The following BRWD1 variants were observed in gnomAD, a reference collection of about 807,000 sequenced individuals.
BRWD1 encodes the protein bromodomain and WD repeat-containing protein 1.
In BRWD1, 82 loss-of-function variants were observed where a neutral mutation model predicts 251.2. The observed-to-expected ratio is 0.33, with a 90% CI of 0.27 to 0.39. The LOEUF (loss-of-function observed/expected upper bound fraction) is 0.39, where lower values mean the gene tolerates loss of function less well. BRWD1 is among the 10% of genes least tolerant of loss of function. The pLI, the probability that BRWD1 is intolerant of heterozygous loss-of-function variation, is 1.00. For missense variants in BRWD1, 2,233 were observed against 2,711.6 expected, an observed-to-expected ratio of 0.82 and a Z score of 3.92; for synonymous variants, 918 against 902.8, an observed-to-expected ratio of 1.02 and a Z score of -0.30.
In BRWD1 at chr21:39,204,153, C is replaced by CA. The variant is rs11356696; in HGVS notation, c.4365-1609dup. 3.1e-3 allele frequency among the ~76,000 whole-genome samples: 107 copies of CA among 34,344 alleles called. 1 individual carries two copies. Among genetic ancestry groups the CA allele is most frequent in the African/African-American group, 7.3e-3 (60 of 8,222 alleles). 22.5% of individuals were successfully genotyped at this position (34,344 alleles called of 152,430 possible). A position where few individuals can be genotyped will look rare whatever the true frequency, so the allele number is the denominator to read the frequency against. ...GGACAACAAGAGCAAAACTCCATCT[C>CA]AAAAAAAAAAAAAAAAAAGTGATCT... is the stretch of plus-strand genomic sequence containing the variant. On this transcript the variant is annotated intron_variant, in intron 37 of 40. Coordinates refer to ENST00000342449, the MANE Select transcript of BRWD1 (RefSeq NM_033656.4).
chr21:39,302,259 C>A (rs1200797222), intron 4 of BRWD1, among the ~76,000 whole-genome samples: 2 of 151,992 alleles, frequency 1.3e-5, no homozygotes, highest in Non-Finnish European at 1.5e-5. Context: ...GCTGGGATTA[C>A]AGGCGTGAGC....
At chr21:39,236,809 T>C (rs1330461371) in intron 22 of BRWD1, 25 bp from the exon 23 acceptor site, 1 of 1,597,252 alleles carries the variant, frequency 6.3e-7, no homozygotes, top group African/African-American at 1.3e-5. Flanking sequence ...TGCTTTCAGT[T>C]GAATGGAGCC....
intron 34 of BRWD1, 71 bp from the exon 35 acceptor site, chr21:39,211,000 TC>T: frequency 7.1e-7 from 1 of 1,398,902 alleles, no homozygotes; most frequent in Non-Finnish European, 9.7e-7. Flanking sequence ...ATGTAACTGA[TC>T]TACTGTCTTC....
chr21:39,318,815 T>TGA (rs1304786339), upstream of BRWD1, among the ~76,000 whole-genome samples: 2 of 152,200 alleles, frequency 1.3e-5, no homozygotes, highest in East Asian at 3.8e-4. Context: ...GATGCGGGTC[T>TGA]TGCTCTGTTG....
intron 36 of BRWD1, chr21:39,209,727 T>C (rs1038241068): frequency 7.6e-6 from 2 of 261,848 alleles, no homozygotes; most frequent in Non-Finnish European, 1.4e-5. Context: ...GTTCACTTTC[T>C]ATTGATGCCT....
intron 4 of BRWD1, among the ~76,000 whole-genome samples, chr21:39,310,504 G>GTA (rs1601516094): frequency 6.6e-6 from 1 of 152,282 alleles, no homozygotes; most frequent in East Asian, 1.9e-4. Context: ...CCAGGTGCCT[G>GTA]TAATCCCAGC....
intron 2 of BRWD1, 21 bp downstream of exon 2, chr21:39,313,210 AGTCCGCAGCC>A (rs1414562006): frequency 1.3e-6 from 2 of 1,521,942 alleles, no homozygotes; most frequent in African/African-American, 2.9e-5. Flanking sequence ...GGGGACGCCA[AGTCCGCAGCC>A]GCCCGCGGGC....
In BRWD1 at chr21:39,210,007, G is replaced by A; in HGVS notation, c.4185C>T (p.Asn1395=). Reference sequence around the variant, plus strand: ...CATAAAAAATTACCTTTGATCTTTTGTTTGGTGTATACGCTTTTGCATTGC... The same window carrying A: ...CATAAAAAATTACCTTTGATCTTTTATTTGGTGTATACGCTTTTGCATTGC... The part of the protein sequence containing the change: ...IFSNAKAYTP[N]KRSKIYSMTL... Residue 1395 remains asparagine, a synonymous_variant, in exon 36 of 41, where the codon AAC becomes AAT. Transcript: ENST00000342449. 1 of 1,611,626 alleles carries A rather than the reference G, an allele frequency of 6.2e-7. No individual in the cohort carries two copies. Among genetic ancestry groups the A allele is most frequent in the Non-Finnish European group, 8.5e-7 (1 of 1,178,908 alleles).
At chr21:39,200,141 A>G in intron 39 of BRWD1, 78 bp downstream of exon 39, 1 of 1,337,076 alleles carries the variant, frequency 7.5e-7, no homozygotes, top group Non-Finnish European at 1.0e-6. Flanking sequence ...TAGATGCATT[A>G]AATCGAGAAT....
Position 39,186,973 on chromosome 21 carries a change from G to A in BRWD1, c.*9286C>T. On this transcript the variant is annotated 3_prime_UTR_variant, in exon 41 of 41. Coordinates refer to ENST00000342449, the MANE Select transcript of BRWD1 (RefSeq NM_033656.4). ...AGCTGGGAGCAGAATGTAACTGCCA[G>A]TTTACTTGTGTACCAATTGTTTTCA... The A allele has an allele frequency of 6.6e-7, 1 of 1,508,166 alleles. No homozygotes were observed. The highest frequency in any genetic ancestry group is 8.8e-7 in the Non-Finnish European group (1 of 1,134,106). The allele number at this position is 1,508,166 out of a possible 1,614,324, so 93.4% of individuals were successfully genotyped here.
chr21:39,188,622 T>A lies in BRWD1; in HGVS notation c.*7637A>T. The stretch of plus-strand genomic sequence containing the variant: ...TAAAAACTGCTTCTGTGGACTGACA[T>A]GTTCATACAGCTAGACTAATGAGGC... On this transcript the variant is annotated 3_prime_UTR_variant, in exon 41 of 41. Coordinates refer to ENST00000342449, the MANE Select transcript of BRWD1 (RefSeq NM_033656.4). 1 of 985,416 alleles carries A rather than the reference T, an allele frequency of 1.0e-6. No homozygotes were observed. Among genetic ancestry groups the A allele is most frequent in the Non-Finnish European group, 1.2e-6 (1 of 829,916 alleles). The allele number at this position is 985,416 out of a possible 1,614,324, so 61.0% of individuals were successfully genotyped here.
chr21:39,232,059 A>T, intron 25 of BRWD1, 118 bp downstream of exon 25: 1 of 938,344 alleles, frequency 1.1e-6, no homozygotes, highest in Middle Eastern at 3.3e-4. Flanking sequence ...CAGAAATGTT[A>T]TCAAGTAGGA....
intron 1 of BRWD1, 39 bp from the exon 2 acceptor site, chr21:39,313,338 G>A: frequency 6.6e-7 from 1 of 1,512,792 alleles, no homozygotes; most frequent in East Asian, 2.6e-5. Flanking sequence ...CCCCGGCGGG[G>A]AGGGGAGGGG....
chr21:39,186,270 C>T lies in BRWD1; in HGVS notation c.*9989G>A, dbSNP rs193134669. 23 of 152,214 alleles carry T rather than the reference C, an allele frequency of 1.5e-4. No homozygotes were observed. The highest frequency in any genetic ancestry group is 2.2e-4 in the Non-Finnish European group (15 of 67,998). The allele number at this position is 152,214 out of a possible 1,614,324, so 9.4% of individuals were successfully genotyped here. A position where few individuals can be genotyped will look rare whatever the true frequency, so the allele number is the denominator to read the frequency against. On this transcript the variant is annotated 3_prime_UTR_variant, in exon 41 of 41. Transcript: ENST00000342449. Reference sequence around the variant, plus strand: ...CATACAAGTAAAAATAAGGAAAAGCCGTGATAGTAACATTCATAGCTTTCA... The same window carrying T: ...CATACAAGTAAAAATAAGGAAAAGCTGTGATAGTAACATTCATAGCTTTCA...
At chr21:39,318,966 G>A (rs554841544) in intron 1 of BRWD1, among the ~76,000 whole-genome samples, 1 of 152,232 alleles carries the variant, frequency 6.6e-6, no homozygotes, top group South Asian at 2.1e-4. Flanking sequence ...TAGAGACAGG[G>A]TCTCACTGCA....
Position 39,188,201 on chromosome 21 carries a change from T to A in BRWD1, c.*8058A>T, listed in dbSNP as rs925807888. On this transcript the variant is annotated 3_prime_UTR_variant, in exon 41 of 41. Transcript: ENST00000342449. ...AGAAGTGATATTCCTTTTACGTATC[T>A]GAAGTTCACGGGCCCTTGAATTTTA... The A allele has an allele frequency of 7.6e-5, 75 of 985,424 alleles. No individual in the cohort carries two copies. The highest frequency in any genetic ancestry group is 8.8e-5 in the Non-Finnish European group (73 of 829,914). 61.0% of individuals were successfully genotyped at this position (985,424 alleles called of 1,614,324 possible).
chr21:39,231,784 AATT>A (rs1353762649), intron 25 of BRWD1, among the ~76,000 whole-genome samples: 6 of 152,206 alleles, frequency 3.9e-5, no homozygotes, highest in South Asian at 2.1e-4. Flanking sequence ...GAAAAGGAAA[AATT>A]ATTATTTCCT....
At position 39,186,920 on chromosome 21, in the gene BRWD1, A is replaced by T. The variant is rs1431833728; in HGVS notation, c.*9339T>A. 1 of 1,482,696 alleles carries T rather than the reference A, an allele frequency of 6.7e-7. No homozygotes were observed. The highest frequency in any genetic ancestry group is 8.9e-7 in the Non-Finnish European group (1 of 1,120,946). 91.8% of individuals were successfully genotyped at this position (1,482,696 alleles called of 1,614,324 possible). On this transcript the variant is annotated 3_prime_UTR_variant, in exon 41 of 41. Transcript: ENST00000342449. ...ATTATGGCTTTTAGAAAATTCCTCC[A>T]AAGATGCCAATAAGGGAGTAATTTT...
In BRWD1 at chr21:39,295,858, C is replaced by T. The variant is rs777122685; in HGVS notation, c.494G>A (p.Ser165Asn). ...ATACATAGTTCCTGGAAATGCTGTA[C>T]TAAAAGTGGAACACCCTGTGAGTTG... Reference protein sequence around the residue: ...GKQLTGCSTFSTAFPGTMYQH... With the variant: ...GKQLTGCSTFNTAFPGTMYQH... The change falls in exon 7 of 41, where the codon AGT becomes AAT. Residue 165 changes from serine (S) to asparagine (N), a missense_variant. This residue lies in a region of BRWD1 where 185 missense variants were observed against 260.6 expected (regional missense o/e 0.71). Coordinates refer to ENST00000342449, the MANE Select transcript of BRWD1 (RefSeq NM_033656.4). 1 of 1,606,930 alleles carries T rather than the reference C, an allele frequency of 6.2e-7. No individual in the cohort carries two copies. Among genetic ancestry groups the T allele is most frequent in the South Asian group, 1.1e-5 (1 of 89,886 alleles).
Sources: gnomAD v4.1 joint callset for allele counts (sites outside exome capture counted in the v4.1 genomes callset) on GRCh38, gnomAD v4.1.1 for gene constraint, gnomAD v4.1.1 regional missense constraint, MANE v1.5 for transcripts, NCBI Gene and HGNC (gene_info 2026-07-23, HGNC 2026-07-21) for gene names.